CNTN5: variants seen among roughly 807,000 people sequenced by gnomAD.
CNTN5 encodes contactin-5.
Under a neutral mutation model 129.1 loss-of-function variants are expected in CNTN5, and 77 were observed. The observed-to-expected ratio is 0.60, with a 90% CI of 0.50 to 0.72. CNTN5 has a LOEUF of 0.72. Among genes scored for constraint, CNTN5 ranks in the 30% least tolerant of loss-of-function variants. CNTN5 has a pLI of 0.00. For synonymous variants in CNTN5, 509 were observed against 465.6 expected (o/e 1.09, Z -1.20); for missense variants, 1,478 against 1,328.8 (o/e 1.11, Z -1.75).
At position 99,581,470 on chromosome 11, in the gene CNTN5, T is replaced by A. The variant is rs1312789494; in HGVS notation, c.55+25201T>A. ...CATTATTATTGTGTGGGAGTCTAAGTCTCTTTGTAGGTCACTAAGGACTTG... is the reference window on the plus strand; with the variant it reads ...CATTATTATTGTGTGGGAGTCTAAGACTCTTTGTAGGTCACTAAGGACTTG... On this transcript the variant is annotated intron_variant, in intron 3 of 24. Coordinates refer to ENST00000524871, the MANE Select transcript of CNTN5 (RefSeq NM_014361.4). 5.4e-5 allele frequency among the ~76,000 whole-genome samples: 8 copies of A among 149,040 alleles called. No homozygotes were observed. In the South Asian group the frequency reaches 1.3e-3, roughly 24 times the overall value.
At chr11:99,582,010 G>C (rs1949618973) in intron 3 of CNTN5, among the ~76,000 whole-genome samples, 1 of 151,854 alleles carries the variant, frequency 6.6e-6, no homozygotes, top group South Asian at 2.1e-4. Context: ...AGCTCTTTTA[G>C]GGCAGGCCTG....
At chr11:99,060,498 A>C (rs1400258726) in intron 1 of CNTN5, among the ~76,000 whole-genome samples, 1 of 152,130 alleles carries the variant, frequency 6.6e-6, no homozygotes, top group Non-Finnish European at 1.5e-5. Context: ...TCTCATTAAT[A>C]ATTAACTAGC....
At chr11:99,891,789 A>T (rs1246904753) in intron 6 of CNTN5, among the ~76,000 whole-genome samples, 1 of 152,192 alleles carries the variant, frequency 6.6e-6, no homozygotes, top group African/African-American at 2.4e-5. Context: ...TGCAATAAAC[A>T]TACATGTGCA....
chr11:99,142,988 A>G (rs1457895091), intron 1 of CNTN5, among the ~76,000 whole-genome samples: 2 of 152,154 alleles, frequency 1.3e-5, no homozygotes, highest in Non-Finnish European at 1.5e-5. Flanking sequence ...CAATCCCTTC[A>G]GGGTCTGTGT....
intron 18 of CNTN5, among the ~76,000 whole-genome samples, chr11:100,294,469 A>AT (rs1422050352): frequency 4.6e-5 from 7 of 151,720 alleles, no homozygotes; most frequent in African/African-American, 1.7e-4. Context: ...CAATTACATT[A>AT]TCCACTAATG....
intron 1 of CNTN5, among the ~76,000 whole-genome samples, chr11:99,106,083 C>T (rs766931221): frequency 2.6e-5 from 4 of 151,890 alleles, no homozygotes; most frequent in Non-Finnish European, 5.9e-5. Context: ...TAAAAATAGT[C>T]TGAAAGAGGA....
At chr11:99,320,632 A>G (rs1865529535) in intron 1 of CNTN5, among the ~76,000 whole-genome samples, 1 of 152,178 alleles carries the variant, frequency 6.6e-6, no homozygotes, top group African/African-American at 2.4e-5. Flanking sequence ...GTATATAACA[A>G]TGGGAAAGGA....
At position 99,560,268 on chromosome 11, in the gene CNTN5, G is replaced by GTATCAT. The variant is rs1555027599; in HGVS notation, c.55+4002_55+4003insCATTAT. On this transcript the variant is annotated intron_variant, in intron 3 of 24. Coordinates refer to ENST00000524871, the MANE Select transcript of CNTN5 (RefSeq NM_014361.4). ...GCAGAATATGACAAAGAATCTAACT[G>GTATCAT]TATTATTATTATTATTATTATTATT... Among the ~76,000 whole-genome samples the GTATCAT allele has an allele frequency of 3.0e-3, 424 of 141,980 alleles. 4 individuals are homozygous for GTATCAT. Among genetic ancestry groups the GTATCAT allele is most frequent in the Middle Eastern group, 7.4e-3 (2 of 270 alleles). The allele number at this position is 141,980 out of a possible 152,430, so 93.1% of individuals were successfully genotyped here.
intron 2 of CNTN5, among the ~76,000 whole-genome samples, chr11:99,517,153 G>A (rs1947087335): frequency 6.6e-6 from 1 of 152,030 alleles, no homozygotes; most frequent in Non-Finnish European, 1.5e-5. Context: ...GTCAAATACA[G>A]GGAGGTTAAG....
At chr11:99,664,471 G>A (rs1320160840) in intron 3 of CNTN5, among the ~76,000 whole-genome samples, 3 of 152,074 alleles carry the variant, frequency 2.0e-5, no homozygotes, top group African/African-American at 7.2e-5. Context: ...GGAAAACCTG[G>A]ACCAGAGTTT....
intron 23 of CNTN5, among the ~76,000 whole-genome samples, chr11:100,347,220 C>T (rs1469091005): frequency 6.6e-6 from 1 of 152,068 alleles, no homozygotes; most frequent in Non-Finnish European, 1.5e-5. Flanking sequence ...TGGGTTGATA[C>T]TGTTTTACAT....
chr11:99,131,249 G>GGAAAAAAA (rs1858919303), intron 1 of CNTN5, among the ~76,000 whole-genome samples: 1 of 67,190 alleles, frequency 1.5e-5, no homozygotes, highest in Non-Finnish European at 2.4e-5. Flanking sequence ...CTCCATCTCA[G>GGAAAAAAA]AAAAAAAAAA....
In CNTN5 at chr11:99,670,802, G is replaced by A. The variant is rs150629476; in HGVS notation, c.55+114533G>A. ...ATCTTATCCATGCTGCCAACTAACT[G>A]TGCTGCTTGGACGCATTTTGAACTC... On this transcript the variant is annotated intron_variant, in intron 3 of 24. Coordinates refer to ENST00000524871, the MANE Select transcript of CNTN5 (RefSeq NM_014361.4). 5.9e-5 allele frequency among the ~76,000 whole-genome samples: 9 copies of A among 152,238 alleles called. No homozygotes were observed. In the East Asian group the frequency reaches 1.5e-3, roughly 26 times the overall value.
chr11:99,639,339 T>C (rs1274641478), intron 3 of CNTN5, among the ~76,000 whole-genome samples: 1 of 152,178 alleles, frequency 6.6e-6, no homozygotes, highest in African/African-American at 2.4e-5. Flanking sequence ...GGAATGGCCG[T>C]GAAGCTCTCT....
chr11:99,180,628 T>A (rs1464521763), intron 1 of CNTN5, among the ~76,000 whole-genome samples: 1 of 152,212 alleles, frequency 6.6e-6, no homozygotes, highest in Non-Finnish European at 1.5e-5. Flanking sequence ...ACTTGGTGAC[T>A]GTTGTTTGTG....
At chr11:99,715,509 A>G (rs1169432543) in intron 3 of CNTN5, among the ~76,000 whole-genome samples, 1 of 151,608 alleles carries the variant, frequency 6.6e-6, no homozygotes, top group Non-Finnish European at 1.5e-5. Flanking sequence ...TTGCCAGGGG[A>G]ATGAGAGGAA....
intron 2 of CNTN5, among the ~76,000 whole-genome samples, chr11:99,497,809 T>C (rs1946283112): frequency 6.6e-6 from 1 of 152,100 alleles, no homozygotes; most frequent in Non-Finnish European, 1.5e-5. Flanking sequence ...AATGGGGACA[T>C]ACTAGGAATC....
intron 2 of CNTN5, among the ~76,000 whole-genome samples, chr11:99,455,842 G>A (rs1437281316): frequency 6.6e-6 from 1 of 152,048 alleles, no homozygotes; most frequent in Admixed American, 6.6e-5. Context: ...TGTCATTTAG[G>A]CGTAATATTG....
chr11:100,093,592 C>T (rs906886342), intron 13 of CNTN5, among the ~76,000 whole-genome samples: 1 of 151,952 alleles, frequency 6.6e-6, no homozygotes, highest in African/African-American at 2.4e-5. Flanking sequence ...CAGGTGCACA[C>T]CCCTATTTAA....
Sources: allele counts gnomAD v4.1 joint callset (sites outside exome capture counted in the v4.1 genomes callset), GRCh38; gene constraint gnomAD v4.1.1; transcripts MANE v1.5; gene names NCBI Gene and HGNC (gene_info 2026-07-23, HGNC 2026-07-21).